The following PSMB1 variants were observed in gnomAD, a reference collection of about 807,000 sequenced individuals.
PSMB1 encodes proteasome subunit beta type-1.
Under a neutral mutation model 25.4 loss-of-function variants are expected in PSMB1, and 7 were observed. That is an observed-to-expected ratio of 0.28 (90% confidence interval 0.16 to 0.52). The LOEUF (loss-of-function observed/expected upper bound fraction) is 0.52. PSMB1 is among the 20% of genes least tolerant of loss of function. PSMB1 has a pLI of 0.97. For missense variants in PSMB1, 284 were observed against 302.2 expected, an observed-to-expected ratio of 0.94 and a Z score of 0.45; for synonymous variants, 119 against 115.0, an observed-to-expected ratio of 1.03 and a Z score of -0.22.
intron 3 of PSMB1, 104 bp from the exon 4 acceptor site, chr6:170,543,834 A>T: frequency 8.8e-7 from 1 of 1,134,766 alleles, no homozygotes; most frequent in East Asian, 2.7e-5. Context: ...CCACAGTGGA[A>T]GGGGAAAGCA....
At chr6:170,549,639 G>C (rs1003152580) in intron 1 of PSMB1, 1 of 152,126 alleles carries the variant, frequency 6.6e-6, no homozygotes, top group Non-Finnish European at 1.5e-5. Context: ...CTCTGTGGCT[G>C]TACAATTTGA....
intron 1 of PSMB1, chr6:170,550,179 CTG>C (rs755683662): frequency 6.6e-6 from 1 of 152,156 alleles, no homozygotes; most frequent in Non-Finnish European, 1.5e-5. Context: ...ACTATTTTTA[CTG>C]AGGAGGGATT....
intron 1 of PSMB1, 136 bp from the exon 2 acceptor site, chr6:170,549,249 G>A: frequency 2.0e-6 from 1 of 512,702 alleles, no homozygotes; most frequent in Non-Finnish European, 3.4e-6. Context: ...GAAGAGGAAA[G>A]ATGAGCGGGA....
intron 3 of PSMB1, among the ~76,000 whole-genome samples, chr6:170,544,650 T>C (rs1778795589): frequency 6.6e-6 from 1 of 152,136 alleles, no homozygotes; most frequent in Admixed American, 6.5e-5. Context: ...TACAGTGAGC[T>C]ACAATGGCGC....
chr6:170,538,208 G>A (rs1414336337), intron 4 of PSMB1, among the ~76,000 whole-genome samples: 1 of 152,122 alleles, frequency 6.6e-6, no homozygotes, highest in African/African-American at 2.4e-5. Context: ...TCGTTAAAAA[G>A]GCCTGTTAAA....
At chr6:170,548,792 C>G (rs989574479) in intron 2 of PSMB1, among the ~76,000 whole-genome samples, 6 of 152,110 alleles carry the variant, frequency 3.9e-5, no homozygotes, top group African/African-American at 1.4e-4. Flanking sequence ...ATTTAGGTTA[C>G]CGAAAGCACT....
chr6:170,548,127 G>A (rs1778844665), intron 2 of PSMB1, among the ~76,000 whole-genome samples: 1 of 152,198 alleles, frequency 6.6e-6, no homozygotes, highest in Non-Finnish European at 1.5e-5. Flanking sequence ...ACAGAACTGG[G>A]AAGACGAAAA....
At chr6:170,547,246 T>C (rs1778830378) in intron 2 of PSMB1, among the ~76,000 whole-genome samples, 1 of 152,368 alleles carries the variant, frequency 6.6e-6, no homozygotes, top group African/African-American at 2.4e-5. Flanking sequence ...CTTGTTAATA[T>C]ACTTATCCAA....
chr6:170,535,783 C>T (rs1050043179), intron 5 of PSMB1, among the ~76,000 whole-genome samples: 2 of 152,128 alleles, frequency 1.3e-5, no homozygotes, highest in Non-Finnish European at 2.9e-5. Flanking sequence ...AGTAGGTGAG[C>T]GCTGAAGGCT....
At chr6:170,541,440 T>A (rs1456650804) in intron 4 of PSMB1, among the ~76,000 whole-genome samples, 1 of 152,140 alleles carries the variant, frequency 6.6e-6, no homozygotes, top group East Asian at 1.9e-4. Flanking sequence ...TGTAATGTGT[T>A]AAAGGAGGAT....
chr6:170,548,738 G>A (rs1350958751), intron 2 of PSMB1, among the ~76,000 whole-genome samples: 1 of 152,136 alleles, frequency 6.6e-6, no homozygotes, highest in Non-Finnish European at 1.5e-5. Flanking sequence ...ACCATGTTAA[G>A]ACACAGCAGG....
intron 4 of PSMB1, among the ~76,000 whole-genome samples, chr6:170,542,559 C>A (rs1240824584): frequency 6.6e-6 from 1 of 152,202 alleles, no homozygotes. Context: ...GCTAAACACA[C>A]AGAAACTATC....
At chr6:170,552,450 T>C (rs1562355025) in intron 1 of PSMB1, among the ~76,000 whole-genome samples, 1 of 152,052 alleles carries the variant, frequency 6.6e-6, no homozygotes. Flanking sequence ...GAACATAACA[T>C]ACAAGAACAC....
At chr6:170,552,534 T>A (rs533476852) in intron 1 of PSMB1, among the ~76,000 whole-genome samples, 11 of 152,238 alleles carry the variant, frequency 7.2e-5, no homozygotes, top group Admixed American at 3.3e-4. Flanking sequence ...AAAAAAGCAC[T>A]TATCTATGAA....
chr6:170,551,381 A>G (rs1337206176), intron 1 of PSMB1, among the ~76,000 whole-genome samples: 1 of 152,226 alleles, frequency 6.6e-6, no homozygotes, highest in Non-Finnish European at 1.5e-5. Context: ...TGACTTAACT[A>G]CATTTAAAGA....
intron 2 of PSMB1, among the ~76,000 whole-genome samples, chr6:170,547,104 C>T (rs1253095096): frequency 6.6e-6 from 1 of 152,144 alleles, no homozygotes; most frequent in Non-Finnish European, 1.5e-5. Flanking sequence ...CTAAAAATGC[C>T]TAACTAACTA....
Position 170,549,033 on chromosome 6 carries a change from G to A in PSMB1, c.194C>T (p.Thr65Met), listed in dbSNP as rs745895236. 46 of 1,612,152 alleles carry A rather than the reference G, an allele frequency of 2.9e-5. No individual in the cohort carries two copies. Among genetic ancestry groups the A allele is most frequent in the East Asian group, 4.5e-5 (2 of 44,868 alleles). ...TRLSEGFSIH[T>M]RDSPKCYKLT... ...TTTGTAACATTTGGGGCTATCCCGC[G>A]TATGAATTGAAAACCCTTCACTCAA... Residue 65 changes from threonine (T) to methionine (M), a missense_variant, in exon 2 of 6, where the codon ACG becomes ATG. By Grantham distance (81) the Thr-to-Met change is moderately conservative (BLOSUM62 -1). Transcript: ENST00000262193.
At chr6:170,547,984 T>C (rs1296184472) in intron 2 of PSMB1, among the ~76,000 whole-genome samples, 1 of 151,788 alleles carries the variant, frequency 6.6e-6, no homozygotes, top group African/African-American at 2.4e-5. Context: ...ATAAAGTTGT[T>C]TTAAAATCTT....
At chr6:170,540,257 G>A (rs1014952509) in intron 4 of PSMB1, among the ~76,000 whole-genome samples, 10 of 152,178 alleles carry the variant, frequency 6.6e-5, no homozygotes, top group African/African-American at 2.4e-4. Context: ...AGTAAAGGAA[G>A]TCTCCTGAGA....
Sources: gnomAD v4.1 joint callset for allele counts (sites outside exome capture counted in the v4.1 genomes callset) on GRCh38, gnomAD v4.1.1 for gene constraint, MANE v1.5 for transcripts, NCBI Gene and HGNC (gene_info 2026-07-23, HGNC 2026-07-21) for gene names.